Variants in DNAAF5 observed in about 807,000 individuals in gnomAD.
The protein encoded by DNAAF5 is HEAT repeat containing 2.
A neutral mutation model predicts 75.8 loss-of-function variants in DNAAF5; 64 were observed. That is an observed-to-expected ratio of 0.84 (90% confidence interval 0.69 to 1.04). The LOEUF (loss-of-function observed/expected upper bound fraction) is 1.04. DNAAF5 is among the 50% of genes least tolerant of loss of function. The pLI, the probability that DNAAF5 is intolerant of heterozygous loss-of-function variation, is 0.00. For missense variants in DNAAF5, 1,269 were observed against 1,178.5 expected (o/e 1.08, Z -1.12); for synonymous variants, 657 against 557.2 (o/e 1.18, Z -2.52).
chr7:756,873 C>A lies in DNAAF5; in HGVS notation c.1349C>A (p.Ala450Asp), dbSNP rs1314769135. The change falls in exon 6 of 13, where the codon GCC becomes GAC. Residue 450 changes from alanine to aspartate, a missense_variant. Physicochemically the swap from Ala to Asp is moderately radical, Grantham distance 126 (BLOSUM62 -2). Coordinates refer to ENST00000297440, the MANE Select transcript of DNAAF5 (RefSeq NM_017802.4). ...TCGACGCTGAAGAAGACGCCCTCTG[C>A]CTCCGGCCTCCTGGTGCTGGCCTCC... ...ILSTLKKTPS[A>D]SGLLVLASAM... The A allele has an allele frequency of 2.5e-6, 4 of 1,613,726 alleles. No individual in the cohort carries two copies. Among genetic ancestry groups the A allele is most frequent in the Non-Finnish European group, 3.4e-6 (4 of 1,180,010 alleles).
chr7:757,021 T>A, intron 6 of DNAAF5, 27 bp downstream of exon 6: 1 of 1,581,844 alleles, frequency 6.3e-7, no homozygotes, highest in Non-Finnish European at 8.6e-7. Flanking sequence ...GATGCGGGAG[T>A]GGAGAGGAGG....
intron 4 of DNAAF5, among the ~76,000 whole-genome samples, chr7:748,532 C>G (rs1374527858): frequency 1.3e-5 from 2 of 152,164 alleles, no homozygotes; most frequent in Admixed American, 1.3e-4. Context: ...CCTCATCAGA[C>G]TGTTTTAGGC....
chr7:761,966 G>A, intron 7 of DNAAF5, 70 bp downstream of exon 7: 3 of 636,640 alleles, frequency 4.7e-6, no homozygotes, highest in Non-Finnish European at 6.8e-6. Context: ...TCTAAGTGAG[G>A]TGAACTGTCT....
At chr7:774,258 G>A (rs1285714197) in intron 10 of DNAAF5, 60 bp downstream of exon 10, 3 of 1,487,364 alleles carry the variant, frequency 2.0e-6, no homozygotes, top group Non-Finnish European at 2.7e-6. Flanking sequence ...GCTTCCTGGC[G>A]CCCGGCAGAG....
intron 4 of DNAAF5, 26 bp downstream of exon 4, chr7:741,491 G>T (rs766364248): frequency 1.5e-6 from 2 of 1,355,540 alleles, no homozygotes; most frequent in Middle Eastern, 2.3e-4. Context: ...AGAGGGGAGC[G>T]CCAGGAGGCG....
chr7:773,186 A>T (rs1429030917), intron 9 of DNAAF5, among the ~76,000 whole-genome samples: 1 of 152,106 alleles, frequency 6.6e-6, no homozygotes, highest in Non-Finnish European at 1.5e-5. Flanking sequence ...CACGCCAGAA[A>T]CCTCGCGGAA....
At chr7:739,625 C>T (rs1218537513) in intron 2 of DNAAF5, among the ~76,000 whole-genome samples, 10 of 152,222 alleles carry the variant, frequency 6.6e-5, no homozygotes, top group Admixed American at 6.5e-4. Context: ...ACCGCACGGG[C>T]AGCGGGAGTC....
intron 9 of DNAAF5, among the ~76,000 whole-genome samples, chr7:773,492 CAG>C (rs1376946186): frequency 3.3e-5 from 5 of 152,206 alleles, no homozygotes; most frequent in East Asian, 3.8e-4. Context: ...AAGTCGCCGA[CAG>C]GGTGGGAACT....
chr7:745,392 C>T (rs571579979), intron 4 of DNAAF5, among the ~76,000 whole-genome samples: 14 of 151,974 alleles, frequency 9.2e-5, no homozygotes, highest in East Asian at 1.9e-4. Flanking sequence ...CCTTGGAATG[C>T]GGTAAGGGAG....
At chr7:752,656 C>T (rs537268110) in intron 4 of DNAAF5, among the ~76,000 whole-genome samples, 5 of 148,132 alleles carry the variant, frequency 3.4e-5, no homozygotes, top group South Asian at 4.3e-4. Context: ...GCTTCGTGAC[C>T]GTGGGCCGGG....
chr7:758,333 A>G (rs1310569605), intron 6 of DNAAF5, among the ~76,000 whole-genome samples: 2 of 152,226 alleles, frequency 1.3e-5, no homozygotes, highest in Non-Finnish European at 2.9e-5. Flanking sequence ...TCACATCTCC[A>G]TGTTGGTTAC....
intron 9 of DNAAF5, 128 bp from the exon 10 acceptor site, chr7:773,920 C>T (rs1047910381): frequency 3.3e-5 from 34 of 1,029,962 alleles, no homozygotes; most frequent in Non-Finnish European, 1.2e-5. Flanking sequence ...GAGGAGGGGC[C>T]TCGTGTTTTG....
chr7:727,597 C>G (rs1477490750), intron 1 of DNAAF5: 2 of 208,868 alleles, frequency 9.6e-6, no homozygotes, highest in East Asian at 2.0e-4. Context: ...TACCTGTTTC[C>G]TGCGCTGCCA....
At chr7:744,559 A>G (rs1354873729) in intron 4 of DNAAF5, among the ~76,000 whole-genome samples, 4 of 151,802 alleles carry the variant, frequency 2.6e-5, no homozygotes, top group South Asian at 2.1e-4. Context: ...AAAAATGCTC[A>G]TGATCACTGG....
In DNAAF5 at chr7:754,899, C is replaced by T. The variant is rs149478151; in HGVS notation, c.1257+78C>T. On this transcript the variant is annotated intron_variant, in intron 5 of 12. Transcript: ENST00000297440. The surrounding 1 kb of genome is among the most constrained non-coding windows in gnomAD (Gnocchi z 4.8). ...TCCCGCCTCTGTGGTGTGCGGGGCC[C>T]GAGGCTGTACTGTAGCCAAGACAGC... 2,197 of 1,106,894 alleles carry T rather than the reference C, an allele frequency of 2.0e-3. 17 individuals are homozygous for T. Among genetic ancestry groups the T allele is most frequent in the Middle Eastern group, 0.012 (40 of 3,362 alleles). The allele number at this position is 1,106,894 out of a possible 1,614,324, so 68.6% of individuals were successfully genotyped here. A position where few individuals can be genotyped will look rare whatever the true frequency, so the allele number is the denominator to read the frequency against.
chr7:744,110 T>C (rs1422695092), intron 4 of DNAAF5, among the ~76,000 whole-genome samples: 1 of 151,960 alleles, frequency 6.6e-6, no homozygotes, highest in African/African-American at 2.4e-5. Flanking sequence ...CCACAACAGT[T>C]CTCAGAGTGT....
intron 12 of DNAAF5, among the ~76,000 whole-genome samples, chr7:783,596 C>G (rs995708253): frequency 6.6e-6 from 1 of 152,344 alleles, no homozygotes; most frequent in Admixed American, 6.5e-5. Context: ...CCCGTGGTCT[C>G]TCCAGGTCAC....
chr7:769,246 C>A (rs777282758), intron 8 of DNAAF5: 1 of 743,754 alleles, frequency 1.3e-6, no homozygotes, highest in Non-Finnish European at 2.5e-6. Context: ...GACGCTCCCT[C>A]TACACTGGCC....
chr7:740,911 C>T lies in DNAAF5; in HGVS notation c.873C>T (p.Leu291=). 1 of 1,613,938 alleles carries T rather than the reference C, an allele frequency of 6.2e-7. No homozygotes were observed. Residue 291 remains leucine (L), a synonymous_variant, in exon 3 of 13, where the codon CTC becomes CTT. Coordinates refer to ENST00000297440, the MANE Select transcript of DNAAF5 (RefSeq NM_017802.4). Reference sequence around the variant, plus strand: ...TCCACAAGCTCATCCCTCTGCTGCTCAGTAGCCTCAACGACGAGGTGCCTG... The same window carrying T: ...TCCACAAGCTCATCCCTCTGCTGCTTAGTAGCCTCAACGACGAGGTGCCTG... ...SFFHKLIPLL[L]SSLNDEVPEV...
Sources: allele counts gnomAD v4.1 joint callset (sites outside exome capture counted in the v4.1 genomes callset), GRCh38; gene constraint gnomAD v4.1.1; non-coding constraint Gnocchi (gnomAD v3.1); transcripts MANE v1.5; gene names NCBI Gene and HGNC (gene_info 2026-07-23, HGNC 2026-07-21).